ST18: variants seen among roughly 807,000 people sequenced by gnomAD.
ST18 encodes suppression of tumorigenicity 18 protein.
A neutral mutation model predicts 110.0 loss-of-function variants in ST18; 50 were observed. The ratio of observed to expected loss-of-function variants is 0.45; its 90% CI spans 0.36 to 0.58. ST18 has a LOEUF of 0.58. ST18 is among the 20% of genes least tolerant of loss of function. The probability of loss-of-function intolerance (pLI) is 0.00; values close to 1 mark genes in which losing one functional copy is unlikely to be tolerated. For missense variants in ST18, 1,306 were observed against 1,280.1 expected (o/e 1.02, Z -0.31); for synonymous variants, 461 against 452.4 (o/e 1.02, Z -0.24).
intron 8 of ST18, among the ~76,000 whole-genome samples, chr8:52,203,922 A>G (rs16917464): frequency 0.16 from 24,051 of 152,204 alleles, 2,000 homozygotes; most frequent in Middle Eastern, 0.25. Flanking sequence ...CGGAGACTTC[A>G]GATTTTGTCA....
Position 52,132,199 on chromosome 8 carries a change from A to G in ST18, c.2445-20T>C, listed in dbSNP as rs1239918854. ...GGACATCTAGAGAGAAAGCAGAGAC[A>G]TTACCAGCCAGGAAGAAGGCAGTGA... On this transcript the variant is annotated intron_variant, in intron 21 of 25. Coordinates refer to ENST00000689386, the MANE Select transcript of ST18 (RefSeq NM_001352837.2). The G allele has an allele frequency of 6.3e-7, 1 of 1,595,040 alleles. No individual in the cohort carries two copies. The highest frequency in any genetic ancestry group is 8.5e-7 in the Non-Finnish European group (1 of 1,170,372).
chr8:52,317,313 G>A (rs1421637896), intron 2 of ST18, among the ~76,000 whole-genome samples: 1 of 152,164 alleles, frequency 6.6e-6, no homozygotes, highest in African/African-American at 2.4e-5. Flanking sequence ...AGAATACACA[G>A]ACACAAAGGG....
rs965081642 is a variant in ST18, at chr8:52,142,981, G to T, written c.2117C>A (p.Pro706Gln). The T allele has an allele frequency of 5.6e-6, 9 of 1,613,928 alleles. No homozygotes were observed. The highest frequency in any genetic ancestry group is 7.6e-6 in the Non-Finnish European group (9 of 1,179,982). The change falls in exon 17 of 26, where the codon CCA (proline) becomes CAA (glutamine). Residue 706 changes from proline to glutamine, a missense_variant. Transcript: ENST00000689386. ...EKKFPGEASIPSPKPKLHARD... is the reference protein window; with the variant it reads ...EKKFPGEASIQSPKPKLHARD... ...TGCATGAAGCTTGGGTTTAGGGCTT[G>T]GTATAGAGGCCTCTCCAGGAAACTT... is the stretch of plus-strand genomic sequence containing the variant.
At chr8:52,170,448 A>AAATCAATC (rs201030669) in intron 10 of ST18, among the ~76,000 whole-genome samples, 1 of 118,676 alleles carries the variant, frequency 8.4e-6, no homozygotes, top group African/African-American at 4.6e-5. Context: ...CAAAACTCAA[A>AAATCAATC]AATCAATAAA....
intron 8 of ST18, among the ~76,000 whole-genome samples, chr8:52,186,856 G>A (rs146682416): frequency 1.3e-5 from 2 of 152,282 alleles, no homozygotes; most frequent in East Asian, 3.9e-4. Flanking sequence ...GCGGAGTCAG[G>A]GATGATGACT....
chr8:52,124,337 C>T (rs2046157228), intron 23 of ST18, among the ~76,000 whole-genome samples: 1 of 151,952 alleles, frequency 6.6e-6, no homozygotes. Flanking sequence ...ACCACACTGG[C>T]TAATTTTTTT....
chr8:52,216,895 G>A (rs1051659906), intron 6 of ST18, among the ~76,000 whole-genome samples: 3 of 152,176 alleles, frequency 2.0e-5, no homozygotes, highest in African/African-American at 7.2e-5. Context: ...CAGTGTGTGT[G>A]TTCAGGCCCC....
At chr8:52,137,022 A>C (rs2052697947) in intron 18 of ST18, among the ~76,000 whole-genome samples, 1 of 152,198 alleles carries the variant, frequency 6.6e-6, no homozygotes, top group Non-Finnish European at 1.5e-5. Context: ...GGTGAGTAGA[A>C]AGATTAAAGC....
At chr8:52,330,321 G>A (rs551528862) in intron 2 of ST18, among the ~76,000 whole-genome samples, 2 of 152,178 alleles carry the variant, frequency 1.3e-5, no homozygotes, top group South Asian at 2.1e-4. Context: ...TTTGCCAAAA[G>A]AGCCTGGCGT....
At chr8:52,137,006 G>T (rs1056131845) in intron 18 of ST18, among the ~76,000 whole-genome samples, 2 of 152,190 alleles carry the variant, frequency 1.3e-5, no homozygotes, top group African/African-American at 4.8e-5. Flanking sequence ...TCCCATCAAT[G>T]GAGATGGTGA....
At chr8:52,392,692 A>G (rs2140993652) in intron 2 of ST18, among the ~76,000 whole-genome samples, 1 of 152,366 alleles carries the variant, frequency 6.6e-6, no homozygotes, top group Admixed American at 6.5e-5. Context: ...TAGAGCAGAC[A>G]GCTGAAGAGC....
chr8:52,137,656 C>T, intron 17 of ST18, 173 bp from the exon 18 acceptor site: 1 of 546,580 alleles, frequency 1.8e-6, no homozygotes, highest in Non-Finnish European at 3.1e-6. Context: ...CAGTGGACTA[C>T]CTGAAAGAAA....
chr8:52,125,416 C>T (rs574494604), intron 23 of ST18, among the ~76,000 whole-genome samples: 68 of 152,068 alleles, frequency 4.5e-4, no homozygotes, highest in African/African-American at 1.3e-3. Context: ...TACACACACA[C>T]GAGAGAGAAA....
At chr8:52,291,033 G>A (rs1000964398) in intron 2 of ST18, among the ~76,000 whole-genome samples, 6 of 152,128 alleles carry the variant, frequency 3.9e-5, no homozygotes, top group Admixed American at 6.5e-5. Flanking sequence ...GTCACCCCAC[G>A]TCACTGTCTC....
At chr8:52,374,302 G>A (rs1261538032) in intron 2 of ST18, among the ~76,000 whole-genome samples, 2 of 152,012 alleles carry the variant, frequency 1.3e-5, no homozygotes, top group Non-Finnish European at 2.9e-5. Context: ...TGAGGAGGAG[G>A]ATCATGTGGA....
chr8:52,328,662 C>T (rs1008511060), intron 2 of ST18, among the ~76,000 whole-genome samples: 1 of 152,156 alleles, frequency 6.6e-6, no homozygotes, highest in Non-Finnish European at 1.5e-5. Context: ...CTACCATATA[C>T]AGCATTATCC....
chr8:52,325,994 G>C lies in ST18; in HGVS notation c.-465+83334C>G, dbSNP rs187595190. Among the ~76,000 whole-genome samples, 16 of 152,280 alleles carry C rather than the reference G, an allele frequency of 1.1e-4. No individual in the cohort carries two copies. In the East Asian group the frequency reaches 3.1e-3, roughly 29 times the overall value. On this transcript the variant is annotated intron_variant, in intron 2 of 25. Coordinates refer to ENST00000689386, the MANE Select transcript of ST18 (RefSeq NM_001352837.2). Reference sequence around the variant, plus strand: ...TCTGAGATGCTGTAGAGAATACCTAGTCATTGTGTCATAAAACCTTTGGTT... The same window carrying C: ...TCTGAGATGCTGTAGAGAATACCTACTCATTGTGTCATAAAACCTTTGGTT...
chr8:52,242,794 C>T (rs891119490), intron 2 of ST18, among the ~76,000 whole-genome samples: 4 of 151,838 alleles, frequency 2.6e-5, no homozygotes, highest in Non-Finnish European at 5.9e-5. Context: ...TTCACTTGAA[C>T]CCTGGAGGCA....
chr8:52,156,102 C>T (rs114280105), intron 15 of ST18, among the ~76,000 whole-genome samples: 2,331 of 152,302 alleles, frequency 0.015, 50 homozygotes, highest in African/African-American at 0.045. Flanking sequence ...GGAAGCTCAC[C>T]TCTTCAAGCT....
Sources: gnomAD v4.1 joint callset for allele counts (sites outside exome capture counted in the v4.1 genomes callset) on GRCh38, gnomAD v4.1.1 for gene constraint, MANE v1.5 for transcripts, NCBI Gene and HGNC (gene_info 2026-07-23, HGNC 2026-07-21) for gene names.